The following TARBP1 variants were observed in gnomAD, a reference collection of about 807,000 sequenced individuals.
TARBP1 encodes tRNA guanosine 2 -O-methyltransferase TARBP1.
Under a neutral mutation model 178.6 loss-of-function variants are expected in TARBP1, and 144 were observed. That is an observed-to-expected ratio of 0.81 (90% confidence interval 0.70 to 0.93). TARBP1 has a LOEUF of 0.93. Ranked by LOEUF, TARBP1 falls within the 40% of genes least tolerant of loss-of-function variation. The pLI, the probability that TARBP1 is intolerant of heterozygous loss-of-function variation, is 0.00. For synonymous variants in TARBP1, 787 were observed against 781.0 expected, an observed-to-expected ratio of 1.01 and a Z score of -0.13; for missense variants, 2,067 against 2,011.7, an observed-to-expected ratio of 1.03 and a Z score of -0.53.
intron 23 of TARBP1, among the ~76,000 whole-genome samples, chr1:234,409,280 T>C (rs773531802): frequency 1.4e-4 from 22 of 152,326 alleles, no homozygotes; most frequent in Admixed American, 3.9e-4. Flanking sequence ...AAAAAGGGCT[T>C]GACAGAAAAA....
intron 22 of TARBP1, among the ~76,000 whole-genome samples, chr1:234,413,796 C>G (rs1292618150): frequency 6.6e-6 from 1 of 152,138 alleles, no homozygotes; most frequent in African/African-American, 2.4e-5. Context: ...GTGAGGGAAC[C>G]ACTGCAAGGA....
chr1:234,444,529 C>T (rs535579948), intron 12 of TARBP1, among the ~76,000 whole-genome samples: 1 of 152,258 alleles, frequency 6.6e-6, no homozygotes, highest in East Asian at 1.9e-4. Flanking sequence ...ACTACCATCA[C>T]TGTGAATTCA....
intron 9 of TARBP1, among the ~76,000 whole-genome samples, chr1:234,454,313 TA>T (rs1297669660): frequency 4.6e-5 from 7 of 152,158 alleles, no homozygotes; most frequent in Admixed American, 4.6e-4. Context: ...AGAAAGAAAA[TA>T]AATTTTAAAA....
At chr1:234,433,155 T>C (rs1043232807) in intron 14 of TARBP1, among the ~76,000 whole-genome samples, 30 of 152,036 alleles carry the variant, frequency 2.0e-4, no homozygotes, top group African/African-American at 6.8e-4. Flanking sequence ...GGAGAATCAC[T>C]TGAACCCAGG....
At chr1:234,410,372 A>G (rs1661676111) in intron 23 of TARBP1, 73 bp downstream of exon 23, 2 of 889,462 alleles carry the variant, frequency 2.2e-6, no homozygotes, top group Admixed American at 2.5e-5. Flanking sequence ...AATGCTCTAC[A>G]TATAAAAAAT....
chr1:234,400,472 A>G (rs1660567867), intron 25 of TARBP1: 1 of 152,004 alleles, frequency 6.6e-6, no homozygotes, highest in African/African-American at 2.4e-5. Flanking sequence ...GTTTATCAAT[A>G]ATCTTAGTAA....
At position 234,459,216 on chromosome 1, in the gene TARBP1, A is replaced by G. The variant is rs754794873; in HGVS notation, c.1632+14T>C. 2.5e-6 allele frequency: 4 copies of G among 1,601,986 alleles called. No homozygotes were observed. In the Admixed American group the frequency reaches 7.0e-5, roughly 28 times the overall value. Reference sequence around the variant, plus strand: ...GAAAGACTTGTAAATGGAAGTAACAAAAGAAAAACTTACCACATCTAGCAA... The same window carrying G: ...GAAAGACTTGTAAATGGAAGTAACAGAAGAAAAACTTACCACATCTAGCAA... On this transcript the variant is annotated intron_variant, in intron 8 of 29. Coordinates refer to ENST00000040877, the MANE Select transcript of TARBP1 (RefSeq NM_005646.4).
rs754758365 is a variant in TARBP1 at position 234,393,724 on chromosome 1, G to T, written c.4357C>A (p.Arg1453Ser). ...ATTGACTTTCCAAGTCTGGCAGCAC[G>T]ATCCTGAAACAGGAGCTCCAGGTCT... The part of the protein sequence containing the change: ...DLDLELLFQD[R>S]AARLGKSISR... Residue 1453 changes from arginine to serine, a missense_variant, in exon 27 of 30, where the codon CGT becomes AGT. Coordinates refer to ENST00000040877, the MANE Select transcript of TARBP1 (RefSeq NM_005646.4). 123 of 1,613,806 alleles carry T rather than the reference G, an allele frequency of 7.6e-5. No individual in the cohort carries two copies. Among genetic ancestry groups the T allele is most frequent in the Middle Eastern group, 1.6e-4 (1 of 6,082 alleles).
At chr1:234,453,258 G>A (rs1572364713) in intron 9 of TARBP1, among the ~76,000 whole-genome samples, 4 of 151,538 alleles carry the variant, frequency 2.6e-5, no homozygotes, top group African/African-American at 9.7e-5. Context: ...GTTAACAACA[G>A]GGGAAACTGT....
intron 12 of TARBP1, among the ~76,000 whole-genome samples, chr1:234,445,478 G>A (rs1225055453): frequency 6.6e-6 from 1 of 152,134 alleles, no homozygotes; most frequent in Non-Finnish European, 1.5e-5. Context: ...AGGAGAGGGA[G>A]GAAACTTTGG....
chr1:234,450,294 T>A, intron 10 of TARBP1, 134 bp downstream of exon 10: 1 of 613,972 alleles, frequency 1.6e-6, no homozygotes, highest in Non-Finnish European at 2.7e-6. Flanking sequence ...CACATTATTT[T>A]ACTGAAATAC....
intron 8 of TARBP1, 138 bp from the exon 9 acceptor site, chr1:234,457,894 A>C: frequency 3.7e-6 from 2 of 539,662 alleles, no homozygotes; most frequent in East Asian, 3.8e-5. Context: ...AGCAAATATC[A>C]TTAGCTAAAT....
chr1:234,407,481 C>A (rs1661371711), intron 23 of TARBP1: 1 of 151,920 alleles, frequency 6.6e-6, no homozygotes, highest in South Asian at 2.1e-4. Context: ...GGATTATAGG[C>A]ATGTACCACC....
chr1:234,446,929 G>T lies in TARBP1; in HGVS notation c.2008C>A (p.Leu670Ile). 6.2e-7 allele frequency: 1 copy of T among 1,613,912 alleles called. No individual in the cohort carries two copies. The highest frequency in any genetic ancestry group is 8.5e-7 in the Non-Finnish European group (1 of 1,179,880). The change falls in exon 12 of 30, where the codon CTT becomes ATT. Residue 670 changes from leucine to isoleucine, a missense_variant. Leu to Ile is a conservative substitution (Grantham distance 5). Coordinates refer to ENST00000040877, the MANE Select transcript of TARBP1 (RefSeq NM_005646.4). ...CTAAACTTCATAAGCACATCCAGAA[G>T]AGGGTCTAAGAATATCCGCAATACA... ...ENVLRIFLDP[L>I]LDVLMKFSTN... is the part of the protein sequence containing the mutation.
At chr1:234,465,785 G>A in intron 4 of TARBP1, 77 bp from the exon 5 acceptor site, 1 of 1,346,124 alleles carries the variant, frequency 7.4e-7, no homozygotes, top group Non-Finnish European at 1.0e-6. Context: ...TTCCCTGATT[G>A]AACATCCTAC....
intron 5 of TARBP1, among the ~76,000 whole-genome samples, chr1:234,464,233 T>C (rs961521130): frequency 6.6e-6 from 1 of 152,178 alleles, no homozygotes; most frequent in Non-Finnish European, 1.5e-5. Flanking sequence ...TCATAAAAAA[T>C]AAGAGGCTGA....
At position 234,425,771 on chromosome 1, in the gene TARBP1, C is replaced by T. The variant is rs141006622; in HGVS notation, c.3346G>A (p.Val1116Met). ...AGGAATTTGACAGCACAAATTCTCACATAATGGTCTTCTCTCTTAGTACTA... is the reference window on the plus strand; with the variant it reads ...AGGAATTTGACAGCACAAATTCTCATATAATGGTCTTCTCTCTTAGTACTA... ...MENTKREDHY[V>M]RICAVKFLCL... The change falls in exon 20 of 30, where the codon GTG becomes ATG. Residue 1116 changes from valine to methionine, a missense_variant. Coordinates refer to ENST00000040877, the MANE Select transcript of TARBP1 (RefSeq NM_005646.4). 2.5e-6 allele frequency: 4 copies of T among 1,592,362 alleles called. No individual in the cohort carries two copies. The highest frequency in any genetic ancestry group is 3.4e-6 in the Non-Finnish European group (4 of 1,162,242).
chr1:234,444,641 T>A (rs1665962941), intron 12 of TARBP1, among the ~76,000 whole-genome samples: 1 of 152,034 alleles, frequency 6.6e-6, no homozygotes, highest in Non-Finnish European at 1.5e-5. Context: ...TTATACCCTG[T>A]CCTCACACTG....
chr1:234,459,224 A>G lies in TARBP1; in HGVS notation c.1632+6T>C. 1 of 1,604,774 alleles carries G rather than the reference A, an allele frequency of 6.2e-7. No individual in the cohort carries two copies. The highest frequency in any genetic ancestry group is 8.5e-7 in the Non-Finnish European group (1 of 1,176,990). On this transcript the variant is annotated splice_donor_region_variant and intron_variant, in intron 8 of 29. Coordinates refer to ENST00000040877, the MANE Select transcript of TARBP1 (RefSeq NM_005646.4). Reference sequence around the variant, plus strand: ...TGTAAATGGAAGTAACAAAAGAAAAACTTACCACATCTAGCAAATTCATAG... The same window carrying G: ...TGTAAATGGAAGTAACAAAAGAAAAGCTTACCACATCTAGCAAATTCATAG...
Sources: gnomAD v4.1 joint callset for allele counts (sites outside exome capture counted in the v4.1 genomes callset) on GRCh38, gnomAD v4.1.1 for gene constraint, MANE v1.5 for transcripts, NCBI Gene and HGNC (gene_info 2026-07-23, HGNC 2026-07-21) for gene names.